The following VAC14 variants were observed in gnomAD, a reference collection of about 807,000 sequenced individuals.
The protein encoded by VAC14 is protein VAC14 homolog.
A neutral mutation model predicts 85.3 loss-of-function variants in VAC14; 47 were observed. That is an observed-to-expected ratio of 0.55 (90% CI 0.44 to 0.70). The LOEUF (loss-of-function observed/expected upper bound fraction) is 0.70, where lower values mean the gene tolerates loss of function less well. Ranked by LOEUF, VAC14 falls within the 30% of genes least tolerant of loss-of-function variation. The pLI, the probability that VAC14 is intolerant of heterozygous loss-of-function variation, is 0.00. For synonymous variants in VAC14, 447 were observed against 430.5 expected (o/e 1.04, Z -0.47); for missense variants, 861 against 1,004.3 (o/e 0.86, Z 1.93).
At chr16:70,693,459 AAG>A (rs1456357510) in intron 17 of VAC14, among the ~76,000 whole-genome samples, 1 of 152,192 alleles carries the variant, frequency 6.6e-6, no homozygotes, top group Non-Finnish European at 1.5e-5. Context: ...GGACAGCTTT[AAG>A]AGAGGGCAGG....
Position 70,691,987 on chromosome 16 carries a change from C to T in VAC14, c.2186+834G>A, listed in dbSNP as rs1435217373. 4 of 984,932 alleles carry T rather than the reference C, an allele frequency of 4.1e-6. No individual in the cohort carries two copies. The African/African-American group carries it at 7.0e-5, about 17-fold the overall frequency. 61.0% of individuals were successfully genotyped at this position (984,932 alleles called of 1,614,324 possible). A position where few individuals can be genotyped will look rare whatever the true frequency, so the allele number is the denominator to read the frequency against. On this transcript the variant is annotated intron_variant, in intron 18 of 18. Transcript: ENST00000261776. ...TTCTAGACACACAGGGCATCTGATG[C>T]AAGCTGGGCGCGCTCCATTCAGCGT...
chr16:70,757,533 T>G (rs2031971307), intron 12 of VAC14, among the ~76,000 whole-genome samples: 1 of 152,194 alleles, frequency 6.6e-6, no homozygotes, highest in Non-Finnish European at 1.5e-5. Context: ...TGTGGCCCAC[T>G]GTGTCCTTGT....
chr16:70,737,996 A>G (rs989542482), intron 13 of VAC14, among the ~76,000 whole-genome samples: 1 of 152,146 alleles, frequency 6.6e-6, no homozygotes, highest in African/African-American at 2.4e-5. Flanking sequence ...GATACAAGGG[A>G]AGGGCCAGAG....
intron 10 of VAC14, among the ~76,000 whole-genome samples, chr16:70,763,770 G>T (rs1187233739): frequency 6.6e-6 from 1 of 152,218 alleles, no homozygotes; most frequent in African/African-American, 2.4e-5. Flanking sequence ...GGCTTCTGTG[G>T]ACTGAAGTCC....
At chr16:70,725,767 T>G (rs1466549960) in intron 14 of VAC14, among the ~76,000 whole-genome samples, 1 of 152,198 alleles carries the variant, frequency 6.6e-6, no homozygotes, top group African/African-American at 2.4e-5. Flanking sequence ...CTCCTTTCCC[T>G]TGTGGGCCCC....
chr16:70,759,046 G>A (rs139152157), intron 12 of VAC14, among the ~76,000 whole-genome samples: 1 of 152,328 alleles, frequency 6.6e-6, no homozygotes, highest in East Asian at 1.9e-4. Flanking sequence ...ACCCCAGCGA[G>A]GCCACGCACC....
chr16:70,737,003 G>A (rs1597908723), intron 13 of VAC14, among the ~76,000 whole-genome samples: 1 of 152,182 alleles, frequency 6.6e-6, no homozygotes, highest in East Asian at 1.9e-4. Context: ...ATCGCCCCCA[G>A]CCACTCTGTT....
intron 12 of VAC14, among the ~76,000 whole-genome samples, chr16:70,756,292 C>T (rs1242739716): frequency 6.6e-6 from 1 of 152,160 alleles, no homozygotes; most frequent in African/African-American, 2.4e-5. Flanking sequence ...TTGGGCCGTT[C>T]CTCTGGGCTC....
At chr16:70,736,138 G>A (rs1408456850) in intron 13 of VAC14, among the ~76,000 whole-genome samples, 1 of 152,196 alleles carries the variant, frequency 6.6e-6, no homozygotes, top group Non-Finnish European at 1.5e-5. Context: ...GGCCGTTCCA[G>A]CCTCACAGGG....
intron 10 of VAC14, among the ~76,000 whole-genome samples, chr16:70,765,506 T>C (rs3760118): frequency 2.0e-5 from 3 of 152,250 alleles, no homozygotes; most frequent in African/African-American, 2.4e-5. Flanking sequence ...AAAAGCCCTA[T>C]GGCCTAAAGC....
chr16:70,773,776 T>A (rs2033371309), intron 9 of VAC14, among the ~76,000 whole-genome samples: 1 of 152,140 alleles, frequency 6.6e-6, no homozygotes, highest in African/African-American at 2.4e-5. Flanking sequence ...ATTATTATTT[T>A]TTTTTGAGAT....
At chr16:70,795,531 G>A (rs985258827) in intron 1 of VAC14, among the ~76,000 whole-genome samples, 1 of 148,130 alleles carries the variant, frequency 6.8e-6, no homozygotes, top group Non-Finnish European at 1.5e-5. Flanking sequence ...GCATCCCTCT[G>A]AAGCGATACA....
chr16:70,788,577 G>T (rs538003115), intron 1 of VAC14, among the ~76,000 whole-genome samples: 1 of 152,238 alleles, frequency 6.6e-6, no homozygotes, highest in East Asian at 1.9e-4. Context: ...AACTTGTTTG[G>T]TCTCCCAAAC....
chr16:70,721,060 G>C (rs1239711101), intron 14 of VAC14, among the ~76,000 whole-genome samples: 1 of 152,248 alleles, frequency 6.6e-6, no homozygotes, highest in African/African-American at 2.4e-5. Context: ...CCTGAGAAGA[G>C]GGGGTGACAC....
At chr16:70,698,394 G>T (rs367985698) in intron 15 of VAC14, among the ~76,000 whole-genome samples, 2 of 152,192 alleles carry the variant, frequency 1.3e-5, no homozygotes, top group South Asian at 4.1e-4. Flanking sequence ...GGGGGGTCAG[G>T]GTGGACACGT....
intron 10 of VAC14, among the ~76,000 whole-genome samples, chr16:70,764,263 T>A (rs1468988411): frequency 6.6e-6 from 1 of 152,074 alleles, no homozygotes; most frequent in Non-Finnish European, 1.5e-5. Context: ...GGGGCAAGAG[T>A]GGGCACATCT....
At chr16:70,761,515 C>A (rs2032382560) in intron 12 of VAC14, among the ~76,000 whole-genome samples, 1 of 152,268 alleles carries the variant, frequency 6.6e-6, no homozygotes, top group Non-Finnish European at 1.5e-5. Flanking sequence ...GCTGCAAACC[C>A]TGCCGCTTGG....
At position 70,688,087 on chromosome 16, in the gene VAC14, G is replaced by A; in HGVS notation, c.2190C>T (p.Asp730=). ...GGGACTTGGGGGCTGCCTTTAGACT[G>A]TCTCTGGGAAGAGGGAGCAGAAATG... ...VPNPELLQTE[D]SLKAAPKSQK... Residue 730 remains aspartate, a synonymous_variant, in exon 19 of 19, where the codon GAC becomes GAT. Coordinates refer to ENST00000261776, the MANE Select transcript of VAC14 (RefSeq NM_018052.5). 1 of 1,569,528 alleles carries A rather than the reference G, an allele frequency of 6.4e-7. No individual in the cohort carries two copies.
Position 70,697,206 on chromosome 16 carries a change from CT to C in VAC14, c.1887del (p.Val630SerfsTer42). On this transcript the variant is annotated frameshift_variant, in exon 16 of 19. Transcript: ENST00000261776. LOFTEE classifies it high-confidence loss of function. ...CCLYRSWCHNPVTTVSLCFLT... is the reference protein window; with the variant it reads ...CCLYRSWCHNXVTTVSLCFLT... ...AGGAAGCAGAGGGACACCGTGGTGA[CT>C]GGGTTGTGGCACCAGGAGCGGTACA... 1 of 1,614,058 alleles carries C rather than the reference CT, an allele frequency of 6.2e-7. No homozygotes were observed. The highest frequency in any genetic ancestry group is 8.5e-7 in the Non-Finnish European group (1 of 1,179,990).
Sources: gnomAD v4.1 joint callset for allele counts (sites outside exome capture counted in the v4.1 genomes callset) on GRCh38, gnomAD v4.1.1 for gene constraint, MANE v1.5 for transcripts, NCBI Gene and HGNC (gene_info 2026-07-23, HGNC 2026-07-21) for gene names.